The following CUL2 variants were observed in gnomAD, a reference collection of about 807,000 sequenced individuals.
CUL2 encodes the protein cullin-2.
In CUL2, 22 loss-of-function variants were observed where a neutral mutation model predicts 110.2. The ratio of observed to expected loss-of-function variants is 0.20; its 90% CI spans 0.14 to 0.28. The LOEUF (loss-of-function observed/expected upper bound fraction) is 0.28. Among genes scored for constraint, CUL2 ranks in the 10% least tolerant of loss-of-function variants. The pLI, the probability that CUL2 is intolerant of heterozygous loss-of-function variation, is 1.00. For missense variants in CUL2, 631 were observed against 905.5 expected, an observed-to-expected ratio of 0.70 and a Z score of 3.89; for synonymous variants, 279 against 293.2, an observed-to-expected ratio of 0.95 and a Z score of 0.49.
At chr10:35,071,599 G>A (rs551244813) in intron 1 of CUL2, among the ~76,000 whole-genome samples, 6 of 152,208 alleles carry the variant, frequency 3.9e-5, no homozygotes, top group East Asian at 1.9e-4. Context: ...TAGTAGAGAC[G>A]GGGTTTCACT....
intron 1 of CUL2, among the ~76,000 whole-genome samples, chr10:35,082,538 TA>T (rs1343950348): frequency 2.0e-5 from 3 of 152,300 alleles, no homozygotes; most frequent in African/African-American, 7.2e-5. Flanking sequence ...ACTATACCCT[TA>T]ATGACGGTTA....
intron 1 of CUL2, among the ~76,000 whole-genome samples, chr10:35,126,075 G>C (rs907530764): frequency 3.3e-5 from 5 of 151,990 alleles, no homozygotes; most frequent in African/African-American, 1.2e-4. Context: ...GCCCATGTCT[G>C]CCTCCCAAAA....
chr10:35,077,836 GAAATAAAAAT>G (rs2086858847), intron 1 of CUL2, among the ~76,000 whole-genome samples: 1 of 149,464 alleles, frequency 6.7e-6, no homozygotes, highest in Admixed American at 6.7e-5. Flanking sequence ...AAAAAGAAAA[GAAATAAAAAT>G]AATATTAAAA....
At chr10:35,032,411 C>G (rs765861293) in intron 12 of CUL2, 24 bp downstream of exon 12, 3 of 1,574,158 alleles carry the variant, frequency 1.9e-6, no homozygotes, top group African/African-American at 1.4e-5. Context: ...CATAAGATTA[C>G]TTTTCAGCAA....
At chr10:35,010,787 G>A (rs3780889) in intron 20 of CUL2, among the ~76,000 whole-genome samples, 1 of 151,896 alleles carries the variant, frequency 6.6e-6, no homozygotes, top group Non-Finnish European at 1.5e-5. Context: ...TACTGTATAC[G>A]TTTCCTTCAG....
In CUL2 at chr10:35,031,791, A is replaced by G. The variant is rs1410135098; in HGVS notation, c.1171-172T>C. Reference sequence around the variant, plus strand: ...GCTGGATTGCAGTGGACAAGATCATAGCTCACTGCAGCCTCAAACTCCTAG... The same window carrying G: ...GCTGGATTGCAGTGGACAAGATCATGGCTCACTGCAGCCTCAAACTCCTAG... On this transcript the variant is annotated intron_variant, in intron 12 of 20. Coordinates refer to ENST00000374749, the MANE Select transcript of CUL2 (RefSeq NM_003591.4). This position sits in a 1 kb window ranked among gnomAD's most constrained non-coding sequence, Gnocchi z 4.4. Among the ~76,000 whole-genome samples, 2 of 152,150 alleles carry G rather than the reference A, an allele frequency of 1.3e-5. No individual in the cohort carries two copies. Among genetic ancestry groups the G allele is most frequent in the African/African-American group, 4.8e-5 (2 of 41,430 alleles).
intron 9 of CUL2, among the ~76,000 whole-genome samples, chr10:35,037,486 C>T (rs1393206058): frequency 2.6e-5 from 4 of 152,104 alleles, no homozygotes; most frequent in African/African-American, 9.7e-5. Context: ...CAGTGACTTT[C>T]GGAATTAAAA....
At chr10:35,117,732 T>A (rs758811243) in intron 1 of CUL2, among the ~76,000 whole-genome samples, 10 of 152,214 alleles carry the variant, frequency 6.6e-5, no homozygotes, top group Admixed American at 2.0e-4. Flanking sequence ...TGGAACCTAT[T>A]TGACTGGACC....
Position 35,016,383 on chromosome 10 carries a change from T to C in CUL2, c.1696A>G (p.Met566Val). The C allele has an allele frequency of 6.2e-7, 1 of 1,603,008 alleles. No individual in the cohort carries two copies. The highest frequency in any genetic ancestry group is 8.5e-7 in the Non-Finnish European group (1 of 1,172,554). ...ACATATGGTTTGCCCAAATAGTTCA[T>C]TTTAACTTCACCTACAATTAAAACA... ...LHYLCTGEVKMNYLGKPYVAM... is the reference protein window; with the variant it reads ...LHYLCTGEVKVNYLGKPYVAM... The change falls in exon 18 of 21, where the codon ATG (methionine) becomes GTG (valine). Residue 566 changes from methionine (M) to valine (V), a missense_variant. Met to Val is a conservative substitution (Grantham distance 21). Transcript: ENST00000374749.
At chr10:35,055,327 T>G (rs550029576) in intron 4 of CUL2, among the ~76,000 whole-genome samples, 3 of 152,328 alleles carry the variant, frequency 2.0e-5, no homozygotes, top group Admixed American at 2.0e-4. Context: ...TACATGAATA[T>G]ATACACTTTT....
chr10:35,011,513 G>C (rs1395245532), intron 20 of CUL2, among the ~76,000 whole-genome samples: 1 of 152,098 alleles, frequency 6.6e-6, no homozygotes, highest in Non-Finnish European at 1.5e-5. Flanking sequence ...AACTACTCGG[G>C]AGGCTGAGGC....
chr10:35,018,121 A>AT (rs2085085546), intron 17 of CUL2, among the ~76,000 whole-genome samples: 4 of 62,892 alleles, frequency 6.4e-5, no homozygotes, highest in Non-Finnish European at 1.4e-4. Flanking sequence ...TACTAAAAAT[A>AT]CAAAAAAAAA....
chr10:35,026,566 A>T (rs1473056281), intron 16 of CUL2, among the ~76,000 whole-genome samples: 2 of 152,204 alleles, frequency 1.3e-5, no homozygotes, highest in African/African-American at 4.8e-5. Flanking sequence ...TTACCTCTTC[A>T]GTAGTACTAT....
At chr10:35,103,308 ATTTTTTTTT>A (rs67257350) in intron 1 of CUL2, among the ~76,000 whole-genome samples, 5 of 94,546 alleles carry the variant, frequency 5.3e-5, no homozygotes, top group South Asian at 4.3e-4. Context: ...GGCCAAGCTA[ATTTTTTTTT>A]TTTTTTTTTT....
intron 16 of CUL2, among the ~76,000 whole-genome samples, chr10:35,028,110 T>G (rs758044779): frequency 1.3e-5 from 2 of 152,212 alleles, no homozygotes; most frequent in Non-Finnish European, 2.9e-5. Flanking sequence ...GGATGTATCC[T>G]TTCTGCAAAA....
At chr10:35,117,046 A>G (rs1026515770) in intron 1 of CUL2, among the ~76,000 whole-genome samples, 10 of 151,942 alleles carry the variant, frequency 6.6e-5, no homozygotes, top group African/African-American at 2.4e-4. Context: ...CCTTACAATG[A>G]AAAAAAAGGT....
chr10:35,111,276 G>A (rs1244253244), intron 1 of CUL2, among the ~76,000 whole-genome samples: 2 of 149,082 alleles, frequency 1.3e-5, no homozygotes, highest in Non-Finnish European at 3.0e-5. Flanking sequence ...TTTTTGATTC[G>A]GGTTCTGGTT....
intron 6 of CUL2, among the ~76,000 whole-genome samples, chr10:35,047,593 G>C (rs564792927): frequency 2.1e-5 from 3 of 142,760 alleles, no homozygotes; most frequent in African/African-American, 7.8e-5. Context: ...CTGGGCAACA[G>C]AGCAAGACTG....
Position 35,068,041 on chromosome 10 carries a change from C to T in CUL2, c.119+3158G>A, listed in dbSNP as rs1219460868. ...AGGAGAATGGCATGAACCCGGGAGG[C>T]GGAGCTTGCAGTGAGCCGAGATCGA... On this transcript the variant is annotated intron_variant, in intron 2 of 20. Coordinates refer to ENST00000374749, the MANE Select transcript of CUL2 (RefSeq NM_003591.4). 2.8e-5 allele frequency among the ~76,000 whole-genome samples: 4 copies of T among 142,452 alleles called. No individual in the cohort carries two copies. The Admixed American group carries it at 2.9e-4, about 10-fold the overall frequency. 93.5% of individuals were successfully genotyped at this position (142,452 alleles called of 152,430 possible).
Sources: allele counts gnomAD v4.1 joint callset (sites outside exome capture counted in the v4.1 genomes callset), GRCh38; gene constraint gnomAD v4.1.1; non-coding constraint Gnocchi (gnomAD v3.1); transcripts MANE v1.5; gene names NCBI Gene and HGNC (gene_info 2026-07-23, HGNC 2026-07-21).